DNAJC13: variants seen among roughly 807,000 people sequenced by gnomAD.
The protein encoded by DNAJC13 is DnaJ heat shock protein family (Hsp40) member C13, also known as dnaJ homolog subfamily C member 13.
A neutral mutation model predicts 290.5 loss-of-function variants in DNAJC13; 75 were observed. The ratio of observed to expected loss-of-function variants is 0.26; its 90% CI spans 0.21 to 0.31. DNAJC13 has a LOEUF of 0.31. Ranked by LOEUF, DNAJC13 falls within the 10% of genes least tolerant of loss-of-function variation. The pLI, the probability that DNAJC13 is intolerant of heterozygous loss-of-function variation, is 1.00. For missense variants in DNAJC13, 2,260 were observed against 2,674.5 expected (o/e 0.85, Z 3.42); for synonymous variants, 862 against 892.0 (o/e 0.97, Z 0.60).
In DNAJC13 at chr3:132,456,951, T is replaced by C. The variant is rs1933620116; in HGVS notation, c.1349+119T>C. 4 of 1,129,484 alleles carry C rather than the reference T, an allele frequency of 3.5e-6. No homozygotes were observed. The East Asian group carries it at 7.5e-5, about 21-fold the overall frequency. The allele number at this position is 1,129,484 out of a possible 1,614,324, so 70.0% of individuals were successfully genotyped here. Reference sequence around the variant, plus strand: ...ACCAGATACCTTTTATAGGGTGATATGGTACTTTATTCATGAGAAATGAAA... The same window carrying C: ...ACCAGATACCTTTTATAGGGTGATACGGTACTTTATTCATGAGAAATGAAA... On this transcript the variant is annotated intron_variant, in intron 12 of 55. Coordinates refer to ENST00000260818, the MANE Select transcript of DNAJC13 (RefSeq NM_015268.4).
chr3:132,473,016 C>A, intron 20 of DNAJC13, 129 bp from the exon 21 acceptor site: 1 of 638,994 alleles, frequency 1.6e-6, no homozygotes, highest in Non-Finnish European at 2.8e-6. Context: ...TTTATTTATT[C>A]CGTTAATTTT....
intron 55 of DNAJC13, among the ~76,000 whole-genome samples, chr3:132,537,420 TGTTA>T (rs151024540): frequency 0.012 from 1,779 of 152,332 alleles, 46 homozygotes; most frequent in African/African-American, 0.041. Context: ...TGCAAGTACT[TGTTA>T]GTTTGTGCAG....
intron 2 of DNAJC13, among the ~76,000 whole-genome samples, chr3:132,444,110 G>A (rs1375593062): frequency 6.6e-6 from 1 of 152,094 alleles, no homozygotes. Context: ...CAGCATTACC[G>A]CCTGAGCTCC....
intron 15 of DNAJC13, among the ~76,000 whole-genome samples, chr3:132,461,889 C>T (rs1001801853): frequency 1.3e-5 from 2 of 151,922 alleles, no homozygotes; most frequent in African/African-American, 4.8e-5. Flanking sequence ...GACGGGGTCT[C>T]CCTTTGTTGC....
intron 22 of DNAJC13, among the ~76,000 whole-genome samples, chr3:132,476,190 T>C (rs1328421348): frequency 6.6e-6 from 1 of 152,312 alleles, no homozygotes. Flanking sequence ...TATCTCTTGC[T>C]TCGACTTTTA....
intron 48 of DNAJC13, among the ~76,000 whole-genome samples, chr3:132,520,766 A>G (rs1047027780): frequency 3.3e-5 from 5 of 152,238 alleles, no homozygotes; most frequent in Non-Finnish European, 1.5e-5. Flanking sequence ...ACTCATAAAT[A>G]TAGCTCTTAA....
intron 2 of DNAJC13, among the ~76,000 whole-genome samples, chr3:132,445,218 A>G (rs1307762847): frequency 6.6e-6 from 1 of 152,134 alleles, no homozygotes; most frequent in Non-Finnish European, 1.5e-5. Context: ...TAGATGTCAA[A>G]AAGACATTTG....
intron 16 of DNAJC13, 116 bp from the exon 17 acceptor site, chr3:132,463,580 A>G (rs556721724): frequency 8.9e-5 from 108 of 1,212,138 alleles, no homozygotes; most frequent in Admixed American, 2.8e-4. Context: ...CATTTTAAAA[A>G]CTTCTATTAC....
At chr3:132,461,981 C>A (rs1384958195) in intron 15 of DNAJC13, among the ~76,000 whole-genome samples, 4 of 152,150 alleles carry the variant, frequency 2.6e-5, no homozygotes, top group Non-Finnish European at 5.9e-5. Context: ...ACATGACCCA[C>A]CACACCTGGC....
chr3:132,444,094 G>A (rs1450795892), intron 2 of DNAJC13, among the ~76,000 whole-genome samples: 1 of 152,144 alleles, frequency 6.6e-6, no homozygotes, highest in Non-Finnish European at 1.5e-5. Context: ...CGGTGGGCAA[G>A]CGAGCCAGCA....
At chr3:132,484,388 T>C (rs1365305857) in intron 28 of DNAJC13, 200 bp from the exon 29 acceptor site, 4 of 603,428 alleles carry the variant, frequency 6.6e-6, no homozygotes, top group Non-Finnish European at 9.0e-6. Flanking sequence ...GGAAATCTTA[T>C]GGAAGGAAAT....
intron 2 of DNAJC13, among the ~76,000 whole-genome samples, chr3:132,442,494 A>G (rs115178897): frequency 0.01 from 1,584 of 152,280 alleles, 24 homozygotes; most frequent in African/African-American, 0.036. Context: ...CTTTTGCCTC[A>G]GTGGTTTTCC....
chr3:132,477,541 C>T (rs1934513050), intron 22 of DNAJC13, among the ~76,000 whole-genome samples: 1 of 152,182 alleles, frequency 6.6e-6, no homozygotes, highest in Admixed American at 6.5e-5. Context: ...GGGAATAAAG[C>T]AGATTTTATT....
intron 20 of DNAJC13, 91 bp from the exon 21 acceptor site, chr3:132,473,054 A>C (rs757892080): frequency 2.5e-6 from 2 of 816,018 alleles, no homozygotes; most frequent in Non-Finnish European, 4.0e-6. Flanking sequence ...GATGAAAGAA[A>C]TGTTTCTCAT....
At chr3:132,439,981 G>A (rs750803230) in intron 2 of DNAJC13, among the ~76,000 whole-genome samples, 13 of 152,312 alleles carry the variant, frequency 8.5e-5, no homozygotes, top group Middle Eastern at 3.4e-3. Flanking sequence ...TCATGGGCTG[G>A]ACGCAGTGGC....
intron 13 of DNAJC13, chr3:132,457,612 T>C (rs371342529): frequency 9.5e-6 from 4 of 421,280 alleles, no homozygotes; most frequent in African/African-American, 8.0e-5. Context: ...TCTGGTAAGG[T>C]AGGCATATCT....
At position 132,462,452 on chromosome 3, in the gene DNAJC13, C is replaced by A; in HGVS notation, c.1714-15C>A. 1 of 1,603,644 alleles carries A rather than the reference C, an allele frequency of 6.2e-7. No individual in the cohort carries two copies. The highest frequency in any genetic ancestry group is 8.5e-7 in the Non-Finnish European group (1 of 1,176,308). Reference sequence around the variant, plus strand: ...CTTTTTTATTTTTTGATACTTTTTCCCCCTCACTTTAAAGCATCCTTCCAT... The same window carrying A: ...CTTTTTTATTTTTTGATACTTTTTCACCCTCACTTTAAAGCATCCTTCCAT... On this transcript the variant is annotated splice_polypyrimidine_tract_variant and intron_variant, in intron 15 of 55. Coordinates refer to ENST00000260818, the MANE Select transcript of DNAJC13 (RefSeq NM_015268.4).
At chr3:132,480,298 A>G (rs1934624075) in intron 25 of DNAJC13, 71 bp from the exon 26 acceptor site, 3 of 972,910 alleles carry the variant, frequency 3.1e-6, no homozygotes, top group South Asian at 1.5e-5. Context: ...CTATTGGGAA[A>G]GGTACTATTG....
In DNAJC13 at chr3:132,538,423, GAAA is replaced by G. The variant is rs762287567; in HGVS notation, c.*146_*148del. On this transcript the variant is annotated 3_prime_UTR_variant, in exon 56 of 56. Coordinates refer to ENST00000260818, the MANE Select transcript of DNAJC13 (RefSeq NM_015268.4). ...CCTTTTTCTATAAATATATTTTTAG[GAAA>G]AAAAGTCAGTGATCCTAATTGTATC... 1.6e-5 allele frequency: 10 copies of G among 630,914 alleles called. No individual in the cohort carries two copies. Among genetic ancestry groups the G allele is most frequent in the Admixed American group, 6.7e-5 (2 of 30,014 alleles). 39.1% of individuals were successfully genotyped at this position (630,914 alleles called of 1,614,324 possible). A position where few individuals can be genotyped will look rare whatever the true frequency, so the allele number is the denominator to read the frequency against.
Sources: allele counts gnomAD v4.1 joint callset (sites outside exome capture counted in the v4.1 genomes callset), GRCh38; gene constraint gnomAD v4.1.1; transcripts MANE v1.5; gene names NCBI Gene and HGNC (gene_info 2026-07-23, HGNC 2026-07-21).